The following UGT8 variants were observed in gnomAD, a reference collection of about 807,000 sequenced individuals.
UGT8 encodes the protein 2-hydroxyacylsphingosine 1-beta-galactosyltransferase.
UGT8 carries 12 observed loss-of-function variants against 40.5 expected under a neutral mutation model. The ratio of observed to expected loss-of-function variants is 0.30; its 90% confidence interval spans 0.19 to 0.48. The LOEUF (loss-of-function observed/expected upper bound fraction) is 0.48. Among genes scored for constraint, UGT8 ranks in the 20% least tolerant of loss-of-function variants. UGT8 has a pLI of 0.99. For synonymous variants in UGT8, 224 were observed against 240.4 expected, an observed-to-expected ratio of 0.93 and a Z score of 0.63; for missense variants, 513 against 648.7, an observed-to-expected ratio of 0.79 and a Z score of 2.27.
chr4:114,645,720 A>G (rs1207112240), intron 2 of UGT8, among the ~76,000 whole-genome samples: 1 of 152,198 alleles, frequency 6.6e-6, no homozygotes, highest in Non-Finnish European at 1.5e-5. Flanking sequence ...TTGACATGTC[A>G]TCTGGGAAAA....
chr4:114,667,978 T>C (rs1734994593), intron 4 of UGT8, 107 bp from the exon 5 acceptor site: 14 of 1,476,602 alleles, frequency 9.5e-6, no homozygotes, highest in African/African-American at 1.4e-5. Flanking sequence ...GAATCCTTTA[T>C]CTGAAATGCA....
rs114746505 is a variant in UGT8 at position 114,655,205 on chromosome 4, A to G, written c.823-8790A>G. ...AACTTTTATTTATTTAGTTTGCATC[A>G]TCCAGAATCCTGGGATATTTGTTTT... On this transcript the variant is annotated intron_variant, in intron 2 of 5. Coordinates refer to ENST00000310836, the MANE Select transcript of UGT8 (RefSeq NM_001128174.3). Among the ~76,000 whole-genome samples the G allele has an allele frequency of 6.1e-3, 927 of 152,080 alleles. 12 individuals are homozygous for G. Among genetic ancestry groups the G allele is most frequent in the African/African-American group, 0.021 (885 of 41,500 alleles).
At chr4:114,645,425 T>C (rs1226087785) in intron 2 of UGT8, among the ~76,000 whole-genome samples, 3 of 152,224 alleles carry the variant, frequency 2.0e-5, no homozygotes, top group Admixed American at 6.5e-5. Flanking sequence ...TAGCGAGATA[T>C]CAAGCTCAGG....
intron 4 of UGT8, chr4:114,667,852 A>C: frequency 3.6e-6 from 3 of 827,490 alleles, no homozygotes; most frequent in Non-Finnish European, 4.4e-6. Context: ...AAATAGTAAT[A>C]TACATTTCAA....
At chr4:114,675,488 C>CCCAG (rs1427453826) in intron 5 of UGT8, among the ~76,000 whole-genome samples, 1 of 151,996 alleles carries the variant, frequency 6.6e-6, no homozygotes, top group East Asian at 1.9e-4. Context: ...CGCCTGTAAT[C>CCCAG]CCAGCACTTT....
chr4:114,641,133 C>G (rs1733199080), intron 2 of UGT8, among the ~76,000 whole-genome samples: 2 of 152,284 alleles, frequency 1.3e-5, no homozygotes, highest in South Asian at 4.1e-4. Context: ...AAAGCTAAAG[C>G]TAAAGCCTGA....
Position 114,675,960 on chromosome 4 carries a change from A to G in UGT8, c.1298A>G (p.His433Arg). ...RQRAQKLSEI[H>R]KDQPGHPVNR... The stretch of plus-strand genomic sequence containing the variant: ...AGGGCTCAGAAGCTTTCGGAAATTC[A>G]CAAGGATCAACCTGGTCACCCTGTC... The change falls in exon 6 of 6, where the codon CAC becomes CGC. Residue 433 changes from histidine to arginine, a missense_variant. Around this residue, in one of 3 missense-constraint regions of UGT8, gnomAD observed 175 missense variants for 186.7 expected, o/e 0.94. Transcript: ENST00000310836. 6.2e-7 allele frequency: 1 copy of G among 1,613,882 alleles called. No individual in the cohort carries two copies. The highest frequency in any genetic ancestry group is 8.5e-7 in the Non-Finnish European group (1 of 1,179,820).
chr4:114,616,563 C>A (rs995243559), intron 1 of UGT8, among the ~76,000 whole-genome samples: 8 of 152,200 alleles, frequency 5.3e-5, no homozygotes, highest in African/African-American at 1.9e-4. Context: ...GAGGCGATGC[C>A]TCACCCTACT....
At chr4:114,643,941 C>T (rs1284940571) in intron 2 of UGT8, among the ~76,000 whole-genome samples, 1 of 152,068 alleles carries the variant, frequency 6.6e-6, no homozygotes, top group Non-Finnish European at 1.5e-5. Context: ...TTTCTACTCC[C>T]ATTTTCTGCA....
At chr4:114,649,113 G>T (rs970151439) in intron 2 of UGT8, among the ~76,000 whole-genome samples, 1 of 152,080 alleles carries the variant, frequency 6.6e-6, no homozygotes, top group Non-Finnish European at 1.5e-5. Flanking sequence ...ATAGCATATT[G>T]GATATGTAAT....
chr4:114,631,251 G>T (rs1578424760), intron 2 of UGT8, among the ~76,000 whole-genome samples: 1 of 152,180 alleles, frequency 6.6e-6, no homozygotes, highest in East Asian at 1.9e-4. Context: ...GGAGGCTGAG[G>T]CAGGTGGATC....
chr4:114,663,031 G>A (rs529115607), intron 2 of UGT8, among the ~76,000 whole-genome samples: 34 of 151,394 alleles, frequency 2.2e-4, no homozygotes, highest in Non-Finnish European at 4.4e-4. Flanking sequence ...CACCATGTTA[G>A]CCAGGATAGT....
intron 2 of UGT8, among the ~76,000 whole-genome samples, chr4:114,627,820 T>A (rs1732331590): frequency 6.6e-6 from 1 of 152,218 alleles, no homozygotes; most frequent in South Asian, 2.1e-4. Context: ...TAGCACCTAA[T>A]AGCACTTTAA....
At chr4:114,605,168 G>A (rs143645193) in intron 1 of UGT8, among the ~76,000 whole-genome samples, 1 of 152,094 alleles carries the variant, frequency 6.6e-6, no homozygotes, top group Non-Finnish European at 1.5e-5. Flanking sequence ...AAATAAAAAT[G>A]GTACCTTTGG....
chr4:114,665,278 T>C (rs372599965), intron 3 of UGT8: 3 of 547,916 alleles, frequency 5.5e-6, no homozygotes, highest in East Asian at 1.5e-4. Flanking sequence ...GTGTTAAGGA[T>C]TTAGGGATAT....
intron 2 of UGT8, 81 bp from the exon 3 acceptor site, chr4:114,663,914 T>A: frequency 2.6e-6 from 4 of 1,542,974 alleles, no homozygotes; most frequent in Non-Finnish European, 3.5e-6. Context: ...TAAAAGGTTT[T>A]TTTTTAACTG....
chr4:114,603,604 G>C (rs1449211153), intron 1 of UGT8, among the ~76,000 whole-genome samples: 1 of 152,038 alleles, frequency 6.6e-6, no homozygotes, highest in Non-Finnish European at 1.5e-5. Context: ...AAAGTGAGAA[G>C]GTCAGGTACT....
At chr4:114,610,819 A>T (rs1401863025) in intron 1 of UGT8, among the ~76,000 whole-genome samples, 2 of 152,162 alleles carry the variant, frequency 1.3e-5, no homozygotes, top group Admixed American at 6.5e-5. Flanking sequence ...TATGTTTGAG[A>T]GATTACATGA....
At chr4:114,618,871 T>A (rs1438260667) in intron 1 of UGT8, among the ~76,000 whole-genome samples, 1 of 152,164 alleles carries the variant, frequency 6.6e-6, no homozygotes, top group Non-Finnish European at 1.5e-5. Context: ...AATAAGTTTT[T>A]CTTTCCTCAT....
Sources: gnomAD v4.1 joint callset for allele counts (sites outside exome capture counted in the v4.1 genomes callset) on GRCh38, gnomAD v4.1.1 for gene constraint, gnomAD v4.1.1 regional missense constraint, MANE v1.5 for transcripts, NCBI Gene and HGNC (gene_info 2026-07-23, HGNC 2026-07-21) for gene names.